Variants in ACADM observed in about 807,000 individuals in gnomAD.
ACADM encodes the protein medium-chain specific acyl-CoA dehydrogenase, mitochondrial.
In ACADM, 49 loss-of-function variants were observed where a neutral mutation model predicts 58.9. The ratio of observed to expected loss-of-function variants is 0.83; its 90% CI spans 0.66 to 1.06. The LOEUF is 1.06. Among genes scored for constraint, ACADM ranks in the 50% least tolerant of loss-of-function variants. ACADM has a pLI of 0.00. For synonymous variants in ACADM, 160 were observed against 157.7 expected (o/e 1.01, Z -0.11); for missense variants, 496 against 507.0 (o/e 0.98, Z 0.21).
At chr1:75,728,275 G>C (rs192557882) in intron 1 of ACADM, 126 bp from the exon 2 acceptor site, 3 of 642,502 alleles carry the variant, frequency 4.7e-6, no homozygotes, top group Non-Finnish European at 5.3e-6. Context: ...CATTTAAATA[G>C]TGATGACTTT....
intron 7 of ACADM, among the ~76,000 whole-genome samples, chr1:75,743,006 A>AC (rs1294185692): frequency 1.3e-5 from 2 of 152,200 alleles, no homozygotes; most frequent in Non-Finnish European, 2.9e-5. Context: ...CTTGGGAGGC[A>AC]CAGCATCCTC....
chr1:75,724,768 T>A lies in ACADM; in HGVS notation c.-20T>A, dbSNP rs1647019691. The A allele has an allele frequency of 6.5e-7, 1 of 1,528,766 alleles. No homozygotes were observed. Among genetic ancestry groups the A allele is most frequent in the South Asian group, 1.2e-5 (1 of 80,850 alleles). 94.7% of individuals were successfully genotyped at this position (1,528,766 alleles called of 1,614,324 possible). ...CGTGACCCGTGTATTATTGTCCGAG[T>A]GGCCGGAACGGGAGCCAACATGGCA... On this transcript the variant is annotated 5_prime_UTR_variant, in exon 1 of 12. Coordinates refer to ENST00000370841, the MANE Select transcript of ACADM (RefSeq NM_000016.6).
intron 2 of ACADM, among the ~76,000 whole-genome samples, 195 bp downstream of exon 2, chr1:75,728,683 T>C (rs1285301642): frequency 6.6e-6 from 1 of 152,258 alleles, no homozygotes; most frequent in East Asian, 1.9e-4. Flanking sequence ...TACTACACTG[T>C]ACATTAGATC....
Position 75,744,207 on chromosome 1 carries a change from A to G in ACADM, c.600-1599A>G. The G allele has an allele frequency of 2.5e-6, 4 of 1,573,622 alleles. No homozygotes were observed. In the South Asian group the frequency reaches 4.4e-5, roughly 17 times the overall value. On this transcript the variant is annotated intron_variant, in intron 7 of 11. Coordinates refer to ENST00000370841, the MANE Select transcript of ACADM (RefSeq NM_000016.6). ...ACAGGTTTGCTAGAAGGAGGTTGTG[A>G]GGGCGAGGGCACTGGTGGCATCGAG...
chr1:75,732,264 G>A (rs575870691), intron 2 of ACADM, among the ~76,000 whole-genome samples: 53 of 152,158 alleles, frequency 3.5e-4, no homozygotes, highest in African/African-American at 1.1e-3. Context: ...GATTCTTGTC[G>A]TCAGGGAGAT....
chr1:75,750,318 C>A (rs1648129754), intron 9 of ACADM, 133 bp from the exon 10 acceptor site: 1 of 756,556 alleles, frequency 1.3e-6, no homozygotes, highest in Non-Finnish European at 2.3e-6. Context: ...GTGCCTATTC[C>A]CTGTTCCCCA....
chr1:75,747,171 A>G (rs1647947164), intron 8 of ACADM, among the ~76,000 whole-genome samples: 1 of 152,040 alleles, frequency 6.6e-6, no homozygotes, highest in Non-Finnish European at 1.5e-5. Flanking sequence ...TGTATGGCCC[A>G]TCTTTAGAAA....
At position 75,734,832 on chromosome 1, in the gene ACADM, G is replaced by T; in HGVS notation, c.429G>T (p.Lys143Asn). Residue 143 changes from lysine to asparagine, a missense_variant, in exon 6 of 12, where the codon AAG becomes AAT. By Grantham distance (94) the Lys-to-Asn change is moderately conservative. Transcript: ENST00000370841. ...TTGCTGGAAATGATCAACAAAAGAA[G>T]AAGTATTTGGGGAGAATGACTGAGG... ...IIIAGNDQQK[K>N]KYLGRMTEEP... 2 of 1,613,948 alleles carry T rather than the reference G, an allele frequency of 1.2e-6. No individual in the cohort carries two copies. Among genetic ancestry groups the T allele is most frequent in the Non-Finnish European group, 1.7e-6 (2 of 1,179,906 alleles).
intron 2 of ACADM, among the ~76,000 whole-genome samples, chr1:75,732,230 G>A (rs1647160068): frequency 6.6e-6 from 1 of 152,060 alleles, no homozygotes; most frequent in East Asian, 1.9e-4. Context: ...GTCACTGAGT[G>A]TGTTTCATCT....
In ACADM at chr1:75,758,800, T is replaced by A. The variant is rs139547834; in HGVS notation, c.946-2322T>A. On this transcript the variant is annotated intron_variant, in intron 10 of 11. Transcript: ENST00000370841. Reference sequence around the variant, plus strand: ...TGTAAATGCACCAGTCAGCACTCTGTAAAATGGACCAACCAGCACTCTGTA... The same window carrying A: ...TGTAAATGCACCAGTCAGCACTCTGAAAAATGGACCAACCAGCACTCTGTA... 1.9e-3 allele frequency among the ~76,000 whole-genome samples: 273 copies of A among 146,442 alleles called. 1 individual carries two copies. The highest frequency in any genetic ancestry group is 6.9e-3 in the African/African-American group (249 of 36,200).
chr1:75,740,194 C>T, intron 7 of ACADM, 84 bp downstream of exon 7: 3 of 1,371,594 alleles, frequency 2.2e-6, no homozygotes, highest in East Asian at 2.5e-5. Flanking sequence ...ATTTTTAAAC[C>T]ACTACAGTTA....
At chr1:75,726,304 G>A (rs1279976291) in intron 1 of ACADM, among the ~76,000 whole-genome samples, 4 of 150,800 alleles carry the variant, frequency 2.7e-5, no homozygotes, top group African/African-American at 9.8e-5. Flanking sequence ...AGGAGGCTGA[G>A]TCTGCAGTGA....
chr1:75,762,639 C>A lies in ACADM; in HGVS notation c.1195-53C>A. 3 of 1,134,694 alleles carry A rather than the reference C, an allele frequency of 2.6e-6. No individual in the cohort carries two copies. In the South Asian group the frequency reaches 3.8e-5, roughly 14 times the overall value. 70.3% of individuals were successfully genotyped at this position (1,134,694 alleles called of 1,614,324 possible). On this transcript the variant is annotated intron_variant, in intron 11 of 11. Transcript: ENST00000370841. ...CTACTGTCTAAAATGTTGAATAAAT[C>A]AAAGTATTTATGTACTAAAGATATT...
At position 75,732,716 on chromosome 1, in the gene ACADM, C is replaced by T; in HGVS notation, c.191C>T (p.Ala64Val). The T allele has an allele frequency of 1.9e-6, 3 of 1,613,888 alleles. No individual in the cohort carries two copies. The highest frequency in any genetic ancestry group is 2.5e-6 in the Non-Finnish European group (3 of 1,179,850). Residue 64 changes from alanine to valine, a missense_variant, in exon 3 of 12, where the codon GCT becomes GTT. By Grantham distance (64) the Ala-to-Val change is moderately conservative. Coordinates refer to ENST00000370841, the MANE Select transcript of ACADM (RefSeq NM_000016.6). Reference sequence around the variant, plus strand: ...GCCAGAGAGGAAATCATCCCAGTGGCTGCAGAATATGATAAAACTGGTGAA... The same window carrying T: ...GCCAGAGAGGAAATCATCCCAGTGGTTGCAGAATATGATAAAACTGGTGAA... ...KFAREEIIPVAAEYDKTGEYP... is the reference protein window; with the variant it reads ...KFAREEIIPVVAEYDKTGEYP...
rs115016981 is a variant in ACADM at position 75,744,384 on chromosome 1, C to T, written c.600-1422C>T. 1.2e-3 allele frequency: 1,794 copies of T among 1,542,716 alleles called. 18 individuals are homozygous for T. The African/African-American group carries it at 0.022, about 19-fold the overall frequency. On this transcript the variant is annotated intron_variant, in intron 7 of 11. Transcript: ENST00000370841. ...GCGGAGTGCCTCCTTCGACTTTTCCCCCATCAGGTACGAAAAGAGCTTCAA... is the reference window on the plus strand; with the variant it reads ...GCGGAGTGCCTCCTTCGACTTTTCCTCCATCAGGTACGAAAAGAGCTTCAA...
chr1:75,749,079 A>T (rs1018695824), intron 8 of ACADM, among the ~76,000 whole-genome samples: 6 of 152,198 alleles, frequency 3.9e-5, no homozygotes, highest in African/African-American at 1.4e-4. Flanking sequence ...AGACCTTTAG[A>T]CTAGTGTTGG....
At chr1:75,756,644 A>G (rs1309898237) in intron 10 of ACADM, among the ~76,000 whole-genome samples, 1 of 152,190 alleles carries the variant, frequency 6.6e-6, no homozygotes, top group African/African-American at 2.4e-5. Flanking sequence ...GCCCAAGGTA[A>G]TTTATAGATT....
chr1:75,733,503 G>A (rs528666021), intron 4 of ACADM, 25 bp from the exon 5 acceptor site: 5 of 1,557,462 alleles, frequency 3.2e-6, no homozygotes, highest in Middle Eastern at 1.7e-4. Context: ...ATATTACAAT[G>A]TGTTGAAACA....
intron 2 of ACADM, among the ~76,000 whole-genome samples, chr1:75,729,284 C>CTT (rs1647105645): frequency 4.2e-5 from 3 of 70,924 alleles, no homozygotes; most frequent in African/African-American, 5.7e-5. Flanking sequence ...CTTTTTCTTT[C>CTT]TTTCTTTTTT....
Sources: allele counts gnomAD v4.1 joint callset (sites outside exome capture counted in the v4.1 genomes callset), GRCh38; gene constraint gnomAD v4.1.1; transcripts MANE v1.5; gene names NCBI Gene and HGNC (gene_info 2026-07-23, HGNC 2026-07-21).